The following C9orf85 variants were observed in gnomAD, a reference collection of about 807,000 sequenced individuals.
The protein encoded by C9orf85 is chromosome 9 open reading frame 85.
Under a neutral mutation model 14.9 loss-of-function variants are expected in C9orf85, and 16 were observed. That is an observed-to-expected ratio of 1.08 (90% CI 0.73 to 1.63). The LOEUF (loss-of-function observed/expected upper bound fraction) is 1.63, where lower values mean the gene tolerates loss of function less well. Among genes scored for constraint, C9orf85 ranks in the 40% most tolerant of loss-of-function variants. The pLI is 0.00. For missense variants in C9orf85, 172 were observed against 186.1 expected (o/e 0.92, Z 0.44); for synonymous variants, 45 against 56.8 (o/e 0.79, Z 0.93).
At chr9:71,913,609 A>G (rs1204991999) in intron 1 of C9orf85, among the ~76,000 whole-genome samples, 3 of 152,234 alleles carry the variant, frequency 2.0e-5, no homozygotes. Flanking sequence ...GTAAACCAGA[A>G]TAAAAATAAA....
In C9orf85 at chr9:71,965,837, T is replaced by A. The variant is rs143420924; in HGVS notation, c.210-5668T>A. Among the ~76,000 whole-genome samples the A allele has an allele frequency of 1.6e-3, 245 of 152,344 alleles. 1 individual carries two copies. Among genetic ancestry groups the A allele is most frequent in the African/African-American group, 5.3e-3 (219 of 41,572 alleles). On this transcript the variant is annotated intron_variant, in intron 2 of 3. Transcript: ENST00000334731. ...CCATAGTTTCCACTAAAATGATTAGTTGTGGTATATGTATGGTCAGAATTG... is the reference window on the plus strand; with the variant it reads ...CCATAGTTTCCACTAAAATGATTAGATGTGGTATATGTATGGTCAGAATTG...
At chr9:71,973,610 A>G (rs1822945974), downstream of C9orf85, among the ~76,000 whole-genome samples, 1 of 152,192 alleles carries the variant, frequency 6.6e-6, no homozygotes, top group Non-Finnish European at 1.5e-5. Flanking sequence ...GAAAAAGTGC[A>G]TATAATTTAT....
chr9:71,955,424 A>G (rs577539497), intron 2 of C9orf85, among the ~76,000 whole-genome samples: 5 of 152,240 alleles, frequency 3.3e-5, no homozygotes, highest in African/African-American at 7.2e-5. Flanking sequence ...ATGTGCTTCA[A>G]TAACGGTTTT....
In C9orf85 at chr9:71,982,739, G is replaced by A. The variant is rs944816243; in HGVS notation, c.406G>A (p.Asp136Asn). The A allele has an allele frequency of 6.7e-5, 24 of 355,944 alleles. 3 individuals are homozygous for A. The highest frequency in any genetic ancestry group is 1.3e-4 in the Non-Finnish European group (24 of 189,784). The allele number at this position is 355,944 out of a possible 1,614,324, so 22.0% of individuals were successfully genotyped here. ...CAACCTCCGCCTCCCTTGTTCAAGT[G>A]ATTCTCCTGCCTCAGCCTCTCGAGT... The change falls in exon 4 of 4, where the codon GAT (aspartate) becomes AAT (asparagine). Residue 136 changes from aspartate (D) to asparagine (N), a missense_variant. By Grantham distance (23) the Asp-to-Asn change is conservative. Coordinates refer to the C9orf85 transcript ENST00000377031.
chr9:71,974,227 A>ATATTTTT (rs1009335179), downstream of C9orf85, among the ~76,000 whole-genome samples: 1 of 139,174 alleles, frequency 7.2e-6, no homozygotes, highest in African/African-American at 2.6e-5. Flanking sequence ...ATGCCAGGCC[A>ATATTTTT]TATTTTTTAT....
intron 2 of C9orf85, among the ~76,000 whole-genome samples, chr9:71,970,461 A>G (rs1822829318): frequency 6.6e-6 from 1 of 152,086 alleles, no homozygotes; most frequent in Non-Finnish European, 1.5e-5. Flanking sequence ...ATTTTGTATT[A>G]TTGTTGTCAT....
At chr9:71,947,861 GCCTCAAACTCCTGA>G (rs1822139546) in intron 2 of C9orf85, among the ~76,000 whole-genome samples, 1 of 152,120 alleles carries the variant, frequency 6.6e-6, no homozygotes, top group African/African-American at 2.4e-5. Context: ...GGCCAGGCTG[GCCTCAAACTCCTGA>G]CCTCAGGTGA....
chr9:71,954,692 G>A (rs1822340248), intron 2 of C9orf85, among the ~76,000 whole-genome samples: 1 of 152,136 alleles, frequency 6.6e-6, no homozygotes, highest in East Asian at 1.9e-4. Flanking sequence ...GTTTTGGTGG[G>A]TTTTAGCCAG....
chr9:71,922,297 G>GT (rs1827830479), intron 1 of C9orf85, among the ~76,000 whole-genome samples: 1 of 151,918 alleles, frequency 6.6e-6, no homozygotes, highest in African/African-American at 2.4e-5. Flanking sequence ...TCCCTATTTG[G>GT]TTTGTACATA....
chr9:71,911,749 A>G lies in C9orf85; in HGVS notation c.15A>G (p.Lys5=), dbSNP rs766681924. ...TGATTTCGGCGATGAGCTCCCAGAA[A>G]GGCAACGTGGCTCGTTCCAGACCTC... MSSQ[K]GNVARSRPQK... is the part of the protein sequence containing the mutation. The change falls in exon 1 of 4, where the codon AAA becomes AAG. Residue 5 remains lysine (K), a synonymous_variant. Transcript: ENST00000334731. The G allele has an allele frequency of 3.1e-6, 5 of 1,614,154 alleles. No homozygotes were observed. The South Asian group carries it at 3.3e-5, about 11-fold the overall frequency.
At chr9:71,958,838 G>A (rs1191307406) in intron 2 of C9orf85, among the ~76,000 whole-genome samples, 2 of 152,122 alleles carry the variant, frequency 1.3e-5, no homozygotes, top group East Asian at 1.9e-4. Flanking sequence ...CCTCTTCCCT[G>A]CTCTGCTTTA....
At chr9:71,986,013 T>G (rs775782287), downstream of C9orf85, 1 of 152,204 alleles carries the variant, frequency 6.6e-6, no homozygotes, top group African/African-American at 2.4e-5. Flanking sequence ...AATAAAGAAT[T>G]GTGATATATA....
chr9:71,981,382 T>G (rs1254952578), intron 3 of C9orf85, among the ~76,000 whole-genome samples: 1 of 152,248 alleles, frequency 6.6e-6, no homozygotes, highest in Non-Finnish European at 1.5e-5. Context: ...TAAATCATGT[T>G]CTTCCCAGCT....
chr9:71,949,295 T>A (rs898820075), intron 2 of C9orf85, among the ~76,000 whole-genome samples: 1 of 152,224 alleles, frequency 6.6e-6, no homozygotes, highest in African/African-American at 2.4e-5. Flanking sequence ...TTATCCATCA[T>A]CAGTATTTAA....
intron 2 of C9orf85, among the ~76,000 whole-genome samples, chr9:71,954,359 A>G (rs1822328770): frequency 6.6e-6 from 1 of 152,082 alleles, no homozygotes. Context: ...AGATGTTGCC[A>G]AATAGGTTAT....
chr9:71,964,517 G>A (rs1417570957), intron 2 of C9orf85, among the ~76,000 whole-genome samples: 6 of 151,788 alleles, frequency 4.0e-5, no homozygotes, highest in Non-Finnish European at 8.8e-5. Context: ...CAGACGCGCC[G>A]CCTTAAGAGC....
intron 2 of C9orf85, among the ~76,000 whole-genome samples, chr9:71,964,248 G>A (rs1224340374): frequency 6.6e-6 from 1 of 152,076 alleles, no homozygotes; most frequent in Non-Finnish European, 1.5e-5. Context: ...TGTCAACACA[G>A]ACCACTGGGC....
chr9:71,934,111 A>C (rs542000280), intron 1 of C9orf85, among the ~76,000 whole-genome samples: 1 of 152,206 alleles, frequency 6.6e-6, no homozygotes, highest in Non-Finnish European at 1.5e-5. Context: ...TGAGGGGCCA[A>C]GGTGGGCAGA....
intron 2 of C9orf85, among the ~76,000 whole-genome samples, chr9:71,962,610 G>A (rs1196297498): frequency 6.6e-6 from 1 of 152,226 alleles, no homozygotes; most frequent in East Asian, 1.9e-4. Flanking sequence ...AGTGCCAGAA[G>A]AGTTGTAATC....
Sources: allele counts gnomAD v4.1 joint callset (sites outside exome capture counted in the v4.1 genomes callset), GRCh38; gene constraint gnomAD v4.1.1; transcripts MANE v1.5; gene names NCBI Gene and HGNC (gene_info 2026-07-23, HGNC 2026-07-21).